The following RCCD1 variants were observed in gnomAD, a reference collection of about 807,000 sequenced individuals.
The protein encoded by RCCD1 is RCC1 domain-containing protein 1.
In RCCD1, 40 loss-of-function variants were observed where a neutral mutation model predicts 37.6. The ratio of observed to expected loss-of-function variants is 1.06; its 90% CI spans 0.83 to 1.39. RCCD1 has a LOEUF of 1.39. Ranked by LOEUF, RCCD1 falls within the 40% of genes most tolerant of loss-of-function variation. The pLI is 0.00. For synonymous variants in RCCD1, 263 were observed against 230.0 expected, an observed-to-expected ratio of 1.14 and a Z score of -1.30; for missense variants, 577 against 517.3, an observed-to-expected ratio of 1.12 and a Z score of -1.12.
Position 90,960,439 on chromosome 15 carries a change from C to T in RCCD1, c.890C>T (p.Pro297Leu). The T allele has an allele frequency of 6.2e-7, 1 of 1,613,426 alleles. No homozygotes were observed. The highest frequency in any genetic ancestry group is 8.5e-7 in the Non-Finnish European group (1 of 1,180,000). Residue 297 changes from proline (P) to leucine (L), a missense_variant, in exon 6 of 8, where the codon CCC becomes CTC. Physicochemically the swap from Pro to Leu is moderately conservative, Grantham distance 98. Coordinates refer to ENST00000394258, the MANE Select transcript of RCCD1 (RefSeq NM_001017919.2). ...CCCTTCCCGGCATTACTGGATCTCCCCATGGGCTCAGATGCAGTCAAGGCC... is the reference window on the plus strand; with the variant it reads ...CCCTTCCCGGCATTACTGGATCTCCTCATGGGCTCAGATGCAGTCAAGGCC... ...VQPFPALLDL[P>L]MGSDAVKASC...
At chr15:90,960,962 G>C (rs2037302887) in intron 6 of RCCD1, 63 bp from the exon 7 acceptor site, 2 of 1,537,178 alleles carry the variant, frequency 1.3e-6, no homozygotes, top group African/African-American at 2.7e-5. Context: ...TGCCAAGCTG[G>C]GCTGGACAGA....
Position 90,961,054 on chromosome 15 carries a change from G to A in RCCD1, c.979G>A (p.Gly327Ser), listed in dbSNP as rs1259258897. 4 of 1,613,584 alleles carry A rather than the reference G, an allele frequency of 2.5e-6. No individual in the cohort carries two copies. The South Asian group carries it at 3.3e-5, about 13-fold the overall frequency. Residue 327 changes from glycine to serine, a missense_variant and splice_region_variant, in exon 7 of 8, where the codon GGT becomes AGT. Coordinates refer to ENST00000394258, the MANE Select transcript of RCCD1 (RefSeq NM_001017919.2). The stretch of plus-strand genomic sequence containing the variant: ...AGGGGAGCTCTACACCTGGGGCTGG[G>A]GTAAGTAAAAGGATTGTTTTTGTGA... ...RTGELYTWGW[G>S]KYGQLGHEDT...
In RCCD1 at chr15:90,961,835, C is replaced by CT; in HGVS notation, c.*67dup. 6.5e-7 allele frequency: 1 copy of CT among 1,530,674 alleles called. No homozygotes were observed. Among genetic ancestry groups the CT allele is most frequent in the African/African-American group, 1.4e-5 (1 of 72,894 alleles). 94.8% of individuals were successfully genotyped at this position (1,530,674 alleles called of 1,614,324 possible). A position where few individuals can be genotyped will look rare whatever the true frequency, so the allele number is the denominator to read the frequency against. ...CATTCAGGTCAAGGAAAACCATTGC[C>CT]TGCACCCCAAGGGCCCCATATTTGC... On this transcript the variant is annotated 3_prime_UTR_variant, in exon 8 of 8. Coordinates refer to ENST00000394258, the MANE Select transcript of RCCD1 (RefSeq NM_001017919.2).
At position 90,960,638 on chromosome 15, in the gene RCCD1, C is replaced by T. The variant is rs1411923984; in HGVS notation, c.949+140C>T. The T allele has an allele frequency of 1.3e-5, 10 of 790,952 alleles. No homozygotes were observed. In the East Asian group the frequency reaches 2.7e-4, roughly 21 times the overall value. 49.0% of individuals were successfully genotyped at this position (790,952 alleles called of 1,614,324 possible). ...CTTGCTCAGTGGATAAGCCCCAACC[C>T]CCTTGTTGTTTCACAGTAGTTCCCC... is the stretch of plus-strand genomic sequence containing the variant. On this transcript the variant is annotated intron_variant, in intron 6 of 7. Coordinates refer to ENST00000394258, the MANE Select transcript of RCCD1 (RefSeq NM_001017919.2).
At chr15:90,961,173 G>A (rs1455343079) in intron 7 of RCCD1, 119 bp downstream of exon 7, 1 of 969,818 alleles carries the variant, frequency 1.0e-6, no homozygotes, top group African/African-American at 1.6e-5. Context: ...CAGGTCACTG[G>A]GAGGAACAGG....
intron 1 of RCCD1, 43 bp downstream of exon 1, chr15:90,954,991 A>C (rs562823978): frequency 7.9e-5 from 12 of 152,392 alleles, no homozygotes; most frequent in African/African-American, 2.9e-4. Flanking sequence ...ACTCCTCGCC[A>C]AACCTTTAGC....
At position 90,961,780 on chromosome 15, in the gene RCCD1, T is replaced by C; in HGVS notation, c.*11T>C. 1.2e-6 allele frequency: 2 copies of C among 1,610,998 alleles called. No homozygotes were observed. Among genetic ancestry groups the C allele is most frequent in the Non-Finnish European group, 1.7e-6 (2 of 1,178,012 alleles). ...AAAGGGAAGAGCTGACATGTGTACGTATATGTATATGCAACACCTGTGAGA... is the reference window on the plus strand; with the variant it reads ...AAAGGGAAGAGCTGACATGTGTACGCATATGTATATGCAACACCTGTGAGA... On this transcript the variant is annotated 3_prime_UTR_variant, in exon 8 of 8. Transcript: ENST00000394258.
chr15:90,959,225 G>C (rs149621423), intron 4 of RCCD1, among the ~76,000 whole-genome samples: 241 of 152,276 alleles, frequency 1.6e-3, no homozygotes, highest in Non-Finnish European at 2.7e-3. Context: ...CCACCTGTAG[G>C]GCTATTGTGA....
chr15:90,960,299 G>A (rs780305877), intron 5 of RCCD1, 29 bp from the exon 6 acceptor site: 6 of 1,572,696 alleles, frequency 3.8e-6, no homozygotes, highest in Non-Finnish European at 5.2e-6. Flanking sequence ...GGCTCAGTTG[G>A]TGTTCACATC....
chr15:90,959,801 G>A (rs1378908299), intron 4 of RCCD1, 99 bp from the exon 5 acceptor site: 1 of 932,988 alleles, frequency 1.1e-6, no homozygotes, highest in Non-Finnish European at 1.6e-6. Context: ...GGCAGGGCAG[G>A]CTTTAGTTGT....
At chr15:90,955,147 A>G (rs972592451) in intron 1 of RCCD1, 199 bp downstream of exon 1, 1 of 152,146 alleles carries the variant, frequency 6.6e-6, no homozygotes, top group African/African-American at 2.4e-5. Context: ...CGCCCCTCGG[A>G]GGTTTCAGCC....
At position 90,963,049 on chromosome 15, in the gene RCCD1, T is replaced by C. The variant is rs565500105; in HGVS notation, c.*1280T>C. On this transcript the variant is annotated 3_prime_UTR_variant, in exon 8 of 8. Transcript: ENST00000394258. The stretch of plus-strand genomic sequence containing the variant: ...GCAAATGTTTCCCACCCATGGGGTC[T>C]TTTTTATTGTGGTAAAATATACTGA... 6.6e-6 allele frequency: 1 copy of C among 152,342 alleles called. No homozygotes were observed. Among genetic ancestry groups the C allele is most frequent in the South Asian group, 2.1e-4 (1 of 4,828 alleles). The allele number at this position is 152,342 out of a possible 1,614,324, so 9.4% of individuals were successfully genotyped here. A position where few individuals can be genotyped will look rare whatever the true frequency, so the allele number is the denominator to read the frequency against.
At position 90,957,105 on chromosome 15, in the gene RCCD1, C is replaced by T; in HGVS notation, c.167-8C>T. ...ATTCTGGCCACCCTGCTCCAATCCG[C>T]CCCGCAGGTGGAGGCCGCTTGGAGC... On this transcript the variant is annotated splice_region_variant and splice_polypyrimidine_tract_variant and intron_variant, in intron 2 of 7. Coordinates refer to ENST00000394258, the MANE Select transcript of RCCD1 (RefSeq NM_001017919.2). 1.5e-6 allele frequency: 2 copies of T among 1,342,598 alleles called. No individual in the cohort carries two copies. Among genetic ancestry groups the T allele is most frequent in the African/African-American group, 1.5e-5 (1 of 64,968 alleles). The allele number at this position is 1,342,598 out of a possible 1,614,324, so 83.2% of individuals were successfully genotyped here.
rs950064029 is a variant in RCCD1, at chr15:90,957,231, A to C, written c.285A>C (p.Leu95Phe). ...GCGCCGGGCCGGGGCCGGAGGCGTT[A>C]CTGCAGGTCTGGGCGGCCGAATCGG... ...VLRAGPGPEA[L>F]LQVWAAESAL... The change falls in exon 3 of 8, where the codon TTA becomes TTC. Residue 95 changes from leucine to phenylalanine, a missense_variant. By Grantham distance (22) the Leu-to-Phe change is conservative. Coordinates refer to ENST00000394258, the MANE Select transcript of RCCD1 (RefSeq NM_001017919.2). The C allele has an allele frequency of 1.3e-5, 18 of 1,431,814 alleles. No homozygotes were observed. Among genetic ancestry groups the C allele is most frequent in the Admixed American group, 5.8e-5 (2 of 34,732 alleles). The allele number at this position is 1,431,814 out of a possible 1,614,324, so 88.7% of individuals were successfully genotyped here.
At chr15:90,961,523 C>T in intron 7 of RCCD1, 95 bp from the exon 8 acceptor site, 1 of 1,382,300 alleles carries the variant, frequency 7.2e-7, no homozygotes, top group South Asian at 1.4e-5. Context: ...GGGCATAATC[C>T]CAGCACTTCA....
At position 90,957,248 on chromosome 15, in the gene RCCD1, C is replaced by T. The variant is rs530423382; in HGVS notation, c.302C>T (p.Ala101Val). Residue 101 changes from alanine to valine, a missense_variant, in exon 3 of 8, where the codon GCC (alanine) becomes GTC (valine). Coordinates refer to ENST00000394258, the MANE Select transcript of RCCD1 (RefSeq NM_001017919.2). ...GPEALLQVWA[A>V]ESALRGEPLW... The stretch of plus-strand genomic sequence containing the variant: ...GAGGCGTTACTGCAGGTCTGGGCGG[C>T]CGAATCGGCGCTGCGTGGGGAGCCA... 1.4e-6 allele frequency: 2 copies of T among 1,470,216 alleles called. No individual in the cohort carries two copies. The highest frequency in any genetic ancestry group is 9.0e-7 in the Non-Finnish European group (1 of 1,107,686). The allele number at this position is 1,470,216 out of a possible 1,614,324, so 91.1% of individuals were successfully genotyped here.
chr15:90,962,096 C>A lies in RCCD1; in HGVS notation c.*327C>A, dbSNP rs2037327700. On this transcript the variant is annotated 3_prime_UTR_variant, in exon 8 of 8. Transcript: ENST00000394258. ...ATTTGATGTGCAGCTGAGATTGGGG[C>A]ACATTCCAGGTCATCGTCTTCTGTC... 1 of 186,158 alleles carries A rather than the reference C, an allele frequency of 5.4e-6. No individual in the cohort carries two copies. The allele number at this position is 186,158 out of a possible 1,614,324, so 11.5% of individuals were successfully genotyped here.
chr15:90,957,781 C>T, intron 4 of RCCD1, 56 bp downstream of exon 4: 1 of 1,539,848 alleles, frequency 6.5e-7, no homozygotes, highest in Non-Finnish European at 8.8e-7. Context: ...AACCTTCCTC[C>T]TCGTTTTCCA....
intron 5 of RCCD1, 68 bp from the exon 6 acceptor site, chr15:90,960,260 A>C: frequency 1.4e-6 from 2 of 1,471,778 alleles, no homozygotes; most frequent in South Asian, 2.6e-5. Flanking sequence ...TGTGGCAATA[A>C]GTGACTGCAT....
Sources: gnomAD v4.1 joint callset for allele counts (sites outside exome capture counted in the v4.1 genomes callset) on GRCh38, gnomAD v4.1.1 for gene constraint, MANE v1.5 for transcripts, NCBI Gene and HGNC (gene_info 2026-07-23, HGNC 2026-07-21) for gene names.